The following PCDHA1 variants were observed in gnomAD, a reference collection of about 807,000 sequenced individuals.
PCDHA1 encodes the protein protocadherin alpha-1.
In PCDHA1, 42 loss-of-function variants were observed where a neutral mutation model predicts 61.3. That is an observed-to-expected ratio of 0.69 (90% CI 0.54 to 0.89). PCDHA1 has a LOEUF of 0.89. Among genes scored for constraint, PCDHA1 ranks in the 40% least tolerant of loss-of-function variants. PCDHA1 has a pLI of 0.00. For missense variants in PCDHA1, 1,256 were observed against 1,235.3 expected, an observed-to-expected ratio of 1.02 and a Z score of -0.25; for synonymous variants, 610 against 553.8, an observed-to-expected ratio of 1.10 and a Z score of -1.43.
Position 140,838,073 on chromosome 5 carries a change from ATATAGTGTGTGTGTGTGT to A in PCDHA1, c.2394+49390_2394+49407del, listed in dbSNP as rs1181120432. 3.1e-4 allele frequency among the ~76,000 whole-genome samples: 39 copies of A among 126,834 alleles called. 1 individual carries two copies. The highest frequency in any genetic ancestry group is 1.5e-3 in the Admixed American group (18 of 11,662). 83.2% of individuals were successfully genotyped at this position (126,834 alleles called of 152,430 possible). A position where few individuals can be genotyped will look rare whatever the true frequency, so the allele number is the denominator to read the frequency against. ...TGGTTTTCCACTTTAAGTTATATAT[ATATAGTGTGTGTGTGTGT>A]GTGTGTGTGTGTGTGTGTGTGTGTG... On this transcript the variant is annotated intron_variant, in intron 1 of 3. Coordinates refer to ENST00000504120, the MANE Select transcript of PCDHA1 (RefSeq NM_018900.4).
At chr5:140,927,564 G>T (rs868927450) in intron 1 of PCDHA1, 1 of 1,614,150 alleles carries the variant, frequency 6.2e-7, no homozygotes. Context: ...TCATTGTGGT[G>T]GACACAAATG....
At chr5:140,876,815 T>A in intron 1 of PCDHA1, 2 of 1,614,148 alleles carry the variant, frequency 1.2e-6, no homozygotes, top group Non-Finnish European at 1.7e-6. Flanking sequence ...GTGGCCGACG[T>A]GAACGACAAT....
intron 1 of PCDHA1, chr5:140,926,257 C>T (rs888723043): frequency 5.2e-5 from 8 of 152,418 alleles, no homozygotes; most frequent in African/African-American, 1.4e-4. Context: ...ACCGTCCCGC[C>T]TCTCGCCGCC....
intron 1 of PCDHA1, chr5:140,877,704 C>A: frequency 6.2e-7 from 1 of 1,613,954 alleles, no homozygotes; most frequent in Non-Finnish European, 8.5e-7. Context: ...GCTCCAGCGC[C>A]GTGGGGAGTT....
chr5:140,856,440 G>C, intron 1 of PCDHA1: 2 of 1,598,404 alleles, frequency 1.3e-6, no homozygotes, highest in East Asian at 2.2e-5. Context: ...AACCCGCCCA[G>C]GTTCTCCGTA....
chr5:140,849,603 G>A lies in PCDHA1; in HGVS notation c.2394+60919G>A, dbSNP rs2150442213. On this transcript the variant is annotated intron_variant, in intron 1 of 3. Transcript: ENST00000504120. ...GGACGCACAACTGGGGACAGTTATT[G>A]CCCTGATTAGTGTGATCGACCTAGA... The A allele has an allele frequency of 3.8e-5, 60 of 1,598,580 alleles. 9 individuals are homozygous for A. Among genetic ancestry groups the A allele is most frequent in the Non-Finnish European group, 5.1e-5 (59 of 1,167,940 alleles).
chr5:140,809,107 G>A, intron 1 of PCDHA1: 2 of 1,613,952 alleles, frequency 1.2e-6, no homozygotes, highest in Admixed American at 1.7e-5. Flanking sequence ...TGGACGAAAC[G>A]GACGCTCCGC....
chr5:140,970,933 G>T (rs782607345), intron 1 of PCDHA1, among the ~76,000 whole-genome samples: 6 of 152,176 alleles, frequency 3.9e-5, no homozygotes, highest in African/African-American at 9.7e-5. Context: ...CCTGGTGTTA[G>T]TCAATGCTGA....
chr5:140,971,386 G>A (rs1413710321), intron 1 of PCDHA1, among the ~76,000 whole-genome samples: 1 of 152,140 alleles, frequency 6.6e-6, no homozygotes, highest in East Asian at 1.9e-4. Flanking sequence ...CTTTAATAAA[G>A]GCAAATTTCT....
At chr5:140,854,274 T>A in intron 1 of PCDHA1, 1 of 562,280 alleles carries the variant, frequency 1.8e-6, no homozygotes, top group Non-Finnish European at 2.3e-6. Context: ...TAGTAGAAAT[T>A]GAGTTTAGTT....
intron 1 of PCDHA1, chr5:140,808,014 A>T (rs1764082406): frequency 1.9e-6 from 3 of 1,613,822 alleles, no homozygotes; most frequent in South Asian, 2.2e-5. Flanking sequence ...TTGAATGGGG[A>T]CATTGTTTAT....
At chr5:140,999,001 C>T (rs1405051280) in intron 3 of PCDHA1, among the ~76,000 whole-genome samples, 3 of 152,214 alleles carry the variant, frequency 2.0e-5, no homozygotes, top group Non-Finnish European at 4.4e-5. Flanking sequence ...AATGCTGGAG[C>T]TGAGATTTGA....
chr5:141,006,726 A>G (rs2098284944), intron 3 of PCDHA1, among the ~76,000 whole-genome samples: 1 of 152,172 alleles, frequency 6.6e-6, no homozygotes, highest in African/African-American at 2.4e-5. Flanking sequence ...CAGAAATGAC[A>G]GGTCTTGATG....
At chr5:140,882,446 G>T (rs556783584) in intron 1 of PCDHA1, 1 of 1,613,924 alleles carries the variant, frequency 6.2e-7, no homozygotes, top group African/African-American at 1.3e-5. Flanking sequence ...GGCGGAGCTG[G>T]TGCCGCGCCT....
chr5:140,906,827 G>C (rs2153497509), intron 1 of PCDHA1, among the ~76,000 whole-genome samples: 1 of 152,308 alleles, frequency 6.6e-6, no homozygotes, highest in South Asian at 2.1e-4. Flanking sequence ...TGGAGTAGTA[G>C]ACTGATTTCA....
At chr5:140,975,045 A>G (rs1249490997) in intron 1 of PCDHA1, among the ~76,000 whole-genome samples, 1 of 152,112 alleles carries the variant, frequency 6.6e-6, no homozygotes, top group Non-Finnish European at 1.5e-5. Context: ...GGCTCTTAGG[A>G]AGAATCTACT....
intron 1 of PCDHA1, chr5:140,823,744 C>A (rs2150128699): frequency 1.2e-6 from 2 of 1,613,854 alleles, no homozygotes; most frequent in Non-Finnish European, 1.7e-6. Context: ...TGGAGAGCCC[C>A]CGCTGACAGC....
At chr5:140,909,868 G>A (rs782144709) in intron 1 of PCDHA1, among the ~76,000 whole-genome samples, 9 of 152,136 alleles carry the variant, frequency 5.9e-5, no homozygotes, top group Non-Finnish European at 8.8e-5. Flanking sequence ...TGGAGTCAAC[G>A]TCAGCTTAGA....
intron 1 of PCDHA1, chr5:140,966,863 C>G: frequency 6.4e-7 from 1 of 1,562,680 alleles, no homozygotes; most frequent in Non-Finnish European, 8.6e-7. Flanking sequence ...GCTGCTGTTG[C>G]TGCTGCTGCT....
Sources: gnomAD v4.1 joint callset for allele counts (sites outside exome capture counted in the v4.1 genomes callset) on GRCh38, gnomAD v4.1.1 for gene constraint, MANE v1.5 for transcripts, NCBI Gene and HGNC (gene_info 2026-07-23, HGNC 2026-07-21) for gene names.